Variants in MUC17 observed in about 807,000 individuals in gnomAD.
The protein encoded by MUC17 is mucin 17, cell surface associated, also known as mucin-17.
A neutral mutation model predicts 170.3 loss-of-function variants in MUC17; 190 were observed. The ratio of observed to expected loss-of-function variants is 1.12; its 90% CI spans 0.99 to 1.26. The LOEUF is 1.26. MUC17 is among the 50% of genes most tolerant of loss of function. The pLI is 0.00. For synonymous variants in MUC17, 2,325 were observed against 2,002.5 expected (o/e 1.16, Z -4.30); for missense variants, 6,415 against 5,530.0 (o/e 1.16, Z -5.08).
rs1016387827 is a variant in MUC17, at chr7:101,041,738, C to A, written c.10322C>A (p.Thr3441Lys). The change falls in exon 3 of 13, where the codon ACA becomes AAA. Residue 3441 changes from threonine (T) to lysine (K), a missense_variant. Physicochemically the swap from Thr to Lys is moderately conservative, Grantham distance 78 (BLOSUM62 -1). Coordinates refer to ENST00000306151, the MANE Select transcript of MUC17 (RefSeq NM_001040105.2). ...TTSTEASSSPTIAEGTSLPTS... is the reference protein window; with the variant it reads ...TTSTEASSSPKIAEGTSLPTS... Reference sequence around the variant, plus strand: ...TCTACTGAAGCCAGTTCATCTCCTACAATCGCTGAAGGTACCAGCTTGCCA... The same window carrying A: ...TCTACTGAAGCCAGTTCATCTCCTAAAATCGCTGAAGGTACCAGCTTGCCA... The A allele has an allele frequency of 3.7e-6, 6 of 1,613,882 alleles. No homozygotes were observed. In the South Asian group the frequency reaches 4.4e-5, roughly 12 times the overall value.
chr7:101,037,844 C>T lies in MUC17; in HGVS notation c.6428C>T (p.Pro2143Leu). 6.2e-7 allele frequency: 1 copy of T among 1,613,910 alleles called. No homozygotes were observed. Among genetic ancestry groups the T allele is most frequent in the South Asian group, 1.1e-5 (1 of 91,050 alleles). Residue 2143 changes from proline to leucine, a missense_variant, in exon 3 of 13, where the codon CCT becomes CTT. Pro to Leu is a moderately conservative substitution (Grantham distance 98). Transcript: ENST00000306151. ...VITSTEVSSS[P>L]IPTEGTSMQT... is the part of the protein sequence containing the mutation. ...ACTTCTACTGAAGTCAGTTCATCTC[C>T]TATACCTACTGAAGGTACCAGCATG...
chr7:101,028,440 ACAT>A (rs1202605808), intron 1 of MUC17, among the ~76,000 whole-genome samples: 4 of 151,926 alleles, frequency 2.6e-5, no homozygotes, highest in Non-Finnish European at 5.9e-5. Context: ...CCATCCCTTC[ACAT>A]CATTATTTAT....
chr7:101,042,280 G>A lies in MUC17; in HGVS notation c.10864G>A (p.Val3622Ile), dbSNP rs1024697909. 2 of 1,612,896 alleles carry A rather than the reference G, an allele frequency of 1.2e-6. No individual in the cohort carries two copies. The highest frequency in any genetic ancestry group is 1.7e-6 in the Non-Finnish European group (2 of 1,179,838). Residue 3622 changes from valine to isoleucine, a missense_variant, in exon 3 of 13, where the codon GTT (valine) becomes ATT (isoleucine). Physicochemically the swap from Val to Ile is conservative, Grantham distance 29. Coordinates refer to ENST00000306151, the MANE Select transcript of MUC17 (RefSeq NM_001040105.2). ...CAATTCTACTCCTACACCTCCTGAA[G>A]TTATCACCCTGCCAATGTCAACTCC... Reference protein sequence around the residue: ...QSNSTPTPPEVITLPMSTPSE... With the variant: ...QSNSTPTPPEIITLPMSTPSE...
chr7:101,057,739 G>T (rs1795072524), intron 12 of MUC17, among the ~76,000 whole-genome samples: 6 of 152,086 alleles, frequency 3.9e-5, no homozygotes, highest in Admixed American at 2.6e-4. Flanking sequence ...AATTATTCAG[G>T]TGTGGTTGTG....
At chr7:101,045,345 T>A (rs1232118349) in intron 3 of MUC17, among the ~76,000 whole-genome samples, 1 of 152,172 alleles carries the variant, frequency 6.6e-6, no homozygotes, top group Non-Finnish European at 1.5e-5. Flanking sequence ...GTGATTTTTT[T>A]CCTTTGCTGA....
rs749803432 is a variant in MUC17 at position 101,032,434 on chromosome 7, C to A, written c.1018C>A (p.Pro340Thr). The change falls in exon 3 of 13, where the codon CCT (proline) becomes ACT (threonine). Residue 340 changes from proline (P) to threonine (T), a missense_variant. Pro to Thr is a conservative substitution (Grantham distance 38). Transcript: ENST00000306151. ...TEGSTPLTST[P>T]ASTMPVATSE... is the part of the protein sequence containing the mutation. ...AGGAAGCACTCCATTAACAAGTACG[C>A]CTGCCAGCACCATGCCGGTTGCCAC... is the stretch of plus-strand genomic sequence containing the variant. 5 of 1,613,502 alleles carry A rather than the reference C, an allele frequency of 3.1e-6. No individual in the cohort carries two copies. In the Admixed American group the frequency reaches 6.7e-5, roughly 22 times the overall value.
At position 101,037,886 on chromosome 7, in the gene MUC17, G is replaced by C. The variant is rs1444319510; in HGVS notation, c.6470G>C (p.Ser2157Thr). Residue 2157 changes from serine to threonine, a missense_variant, in exon 3 of 13, where the codon AGT (serine) becomes ACT (threonine). Physicochemically the swap from Ser to Thr is moderately conservative, Grantham distance 58 (BLOSUM62 1). Coordinates refer to ENST00000306151, the MANE Select transcript of MUC17 (RefSeq NM_001040105.2). ...EGTSMQTSTY[S>T]DRRTPLTSMP... ...ACCAGCATGCAAACCTCAACTTATA[G>C]TGACAGAAGAACTCCTTTAACAAGT... The C allele has an allele frequency of 6.2e-7, 1 of 1,610,420 alleles. No individual in the cohort carries two copies. Among genetic ancestry groups the C allele is most frequent in the Non-Finnish European group, 8.5e-7 (1 of 1,177,992 alleles).
rs759900251 is a variant in MUC17, at chr7:101,034,606, A to T, written c.3190A>T (p.Thr1064Ser). ...VASSETSTLS[T>S]TPADTSTPVT... ...CAGTTCTGAAACGAGCACACTTTCAACAACTCCTGCTGACACCAGCACACC... is the reference window on the plus strand; with the variant it reads ...CAGTTCTGAAACGAGCACACTTTCATCAACTCCTGCTGACACCAGCACACC... The change falls in exon 3 of 13, where the codon ACA becomes TCA. Residue 1064 changes from threonine to serine, a missense_variant. Coordinates refer to ENST00000306151, the MANE Select transcript of MUC17 (RefSeq NM_001040105.2). 2.5e-6 allele frequency: 4 copies of T among 1,606,240 alleles called. No homozygotes were observed. The African/African-American group carries it at 5.4e-5, about 22-fold the overall frequency.
At chr7:101,044,578 G>T (rs1794801279) in intron 3 of MUC17, among the ~76,000 whole-genome samples, 2 of 152,122 alleles carry the variant, frequency 1.3e-5, no homozygotes, top group Non-Finnish European at 2.9e-5. Flanking sequence ...TTTGAACAAA[G>T]CATTACCTCT....
Position 101,036,843 on chromosome 7 carries a change from A to G in MUC17, c.5427A>G (p.Pro1809=), listed in dbSNP as rs764283298. Residue 1809 remains proline, a synonymous_variant, in exon 3 of 13, where the codon CCA becomes CCG. Coordinates refer to ENST00000306151, the MANE Select transcript of MUC17 (RefSeq NM_001040105.2). ...PTSTLSEGMT[P]LTSTPVSHTL... is the part of the protein sequence containing the mutation. ...CGACTCTTAGTGAAGGAATGACTCC[A>G]TTAACAAGCACACCTGTCAGCCACA... The G allele has an allele frequency of 1.2e-6, 2 of 1,605,514 alleles. No individual in the cohort carries two copies. Among genetic ancestry groups the G allele is most frequent in the East Asian group, 2.3e-5 (1 of 44,288 alleles).
intron 1 of MUC17, among the ~76,000 whole-genome samples, chr7:101,029,318 T>G (rs1794236086): frequency 6.6e-6 from 1 of 152,046 alleles, no homozygotes; most frequent in Admixed American, 6.6e-5. Context: ...ATCGCGCCAC[T>G]GCACTCCAGC....
In MUC17 at chr7:101,020,615, C is replaced by T. The variant is rs140266320; in HGVS notation, c.82+398C>T. 8.5e-4 allele frequency among the ~76,000 whole-genome samples: 129 copies of T among 152,248 alleles called. 1 individual carries two copies. The highest frequency in any genetic ancestry group is 2.7e-3 in the African/African-American group (111 of 41,538). ...TCTATCCTTACCCAGTGAATGTTCC[C>T]GCCAAGTCCCTGTCACCTCCCACAC... On this transcript the variant is annotated intron_variant, in intron 1 of 12. Transcript: ENST00000306151.
chr7:101,057,026 C>T (rs1795057774), intron 12 of MUC17, among the ~76,000 whole-genome samples: 1 of 152,096 alleles, frequency 6.6e-6, no homozygotes, highest in South Asian at 2.1e-4. Context: ...TGTCATCTAA[C>T]TTGCCCACCC....
Position 101,041,642 on chromosome 7 carries a change from C to T in MUC17, c.10226C>T (p.Thr3409Met), listed in dbSNP as rs150801786. 122 of 1,613,992 alleles carry T rather than the reference C, an allele frequency of 7.6e-5. No homozygotes were observed. The African/African-American group carries it at 9.7e-4, about 13-fold the overall frequency. ...TTAGCAAGTATGCCTGTCAGCACCA[C>T]GCCGGTGGTCAGTTCTGAGGTTAAC... ...TPLASMPVST[T>M]PVVSSEVNTL... The change falls in exon 3 of 13, where the codon ACG (threonine) becomes ATG (methionine). Residue 3409 changes from threonine (T) to methionine (M), a missense_variant. Thr to Met is a moderately conservative substitution (Grantham distance 81). Coordinates refer to ENST00000306151, the MANE Select transcript of MUC17 (RefSeq NM_001040105.2).
In MUC17 at chr7:101,050,601, C is replaced by T; in HGVS notation, c.12840C>T (p.Thr4280=). Residue 4280 remains threonine (T), a synonymous_variant, in exon 7 of 13, where the codon ACC becomes ACT. Transcript: ENST00000306151. ...TGAAAGAGAAAATCACAAAAGTGAC[C>T]ACACAGCAAATAATGATTAATGATA... ...EVVKEKITKV[T]TQQIMINDIC... The T allele has an allele frequency of 6.2e-7, 1 of 1,614,070 alleles. No homozygotes were observed. Among genetic ancestry groups the T allele is most frequent in the Non-Finnish European group, 8.5e-7 (1 of 1,179,984 alleles).
chr7:101,052,216 C>T (rs1014374002), intron 9 of MUC17, among the ~76,000 whole-genome samples: 1 of 152,144 alleles, frequency 6.6e-6, no homozygotes, highest in Admixed American at 6.5e-5. Flanking sequence ...AGGTGACAAC[C>T]TCCTGGGAAG....
rs139350157 is a variant in MUC17, at chr7:101,039,521, C to A, written c.8105C>A (p.Thr2702Lys). The change falls in exon 3 of 13, where the codon ACG (threonine) becomes AAG (lysine). Residue 2702 changes from threonine (T) to lysine (K), a missense_variant. Transcript: ENST00000306151. ...TTAACAAATATACTTGTCAGCACCA[C>A]GCTGTTGGCCAATTCTGAGGCTAGC... is the stretch of plus-strand genomic sequence containing the variant. Reference protein sequence around the residue: ...TPLTNILVSTTLLANSEASTL... With the variant: ...TPLTNILVSTKLLANSEASTL... 888 of 1,604,250 alleles carry A rather than the reference C, an allele frequency of 5.5e-4. 8 individuals are homozygous for A. In the African/African-American group the frequency reaches 0.011, roughly 19 times the overall value.
chr7:101,040,594 A>G lies in MUC17; in HGVS notation c.9178A>G (p.Ile3060Val). The G allele has an allele frequency of 2.5e-6, 4 of 1,611,870 alleles. No homozygotes were observed. The highest frequency in any genetic ancestry group is 3.4e-6 in the Non-Finnish European group (4 of 1,179,372). Residue 3060 changes from isoleucine (I) to valine (V), a missense_variant, in exon 3 of 13, where the codon ATT (isoleucine) becomes GTT (valine). Coordinates refer to ENST00000306151, the MANE Select transcript of MUC17 (RefSeq NM_001040105.2). ...ACCTGTCAGCACCACGCCAGTGGCC[A>G]TTCCTGAGGCTAGCACCCTTTCAAC... is the stretch of plus-strand genomic sequence containing the variant. ...SIPVSTTPVA[I>V]PEASTLSTTP...
rs751488304 is a variant in MUC17, at chr7:101,031,631, C to T, written c.215C>T (p.Thr72Ile). Residue 72 changes from threonine to isoleucine, a missense_variant, in exon 3 of 13, where the codon ACA (threonine) becomes ATA (isoleucine). Thr to Ile is a moderately conservative substitution (Grantham distance 89). Coordinates refer to ENST00000306151, the MANE Select transcript of MUC17 (RefSeq NM_001040105.2). The part of the protein sequence containing the change: ...GSAANTATGT[T>I]STNVVEPRMY... ...GCGGCAAACACCGCCACAGGTACAA[C>T]ATCTACAAATGTCGTGGAGCCAAGA... 1.3e-6 allele frequency: 2 copies of T among 1,550,128 alleles called. No individual in the cohort carries two copies. The highest frequency in any genetic ancestry group is 2.0e-5 in the Admixed American group (1 of 50,328).
Sources: allele counts gnomAD v4.1 joint callset (sites outside exome capture counted in the v4.1 genomes callset), GRCh38; gene constraint gnomAD v4.1.1; transcripts MANE v1.5; gene names NCBI Gene and HGNC (gene_info 2026-07-23, HGNC 2026-07-21).